Variants in EIF4G1 observed in about 807,000 individuals in gnomAD.
EIF4G1 encodes the protein EIF4-gamma.
In EIF4G1, 4 loss-of-function variants were observed where a neutral mutation model predicts 187.8. The observed-to-expected ratio is 0.02, with a 90% CI of 0.01 to 0.05. The LOEUF (loss-of-function observed/expected upper bound fraction) is 0.05. EIF4G1 is among the 10% of genes least tolerant of loss of function. The pLI, the probability that EIF4G1 is intolerant of heterozygous loss-of-function variation, is 1.00. For synonymous variants in EIF4G1, 844 were observed against 781.4 expected, an observed-to-expected ratio of 1.08 and a Z score of -1.34; for missense variants, 1,647 against 2,081.1, an observed-to-expected ratio of 0.79 and a Z score of 4.06.
In EIF4G1 at chr3:184,329,872, T is replaced by G. The variant is rs544714926; in HGVS notation, c.4161+882T>G. Among the ~76,000 whole-genome samples, 6 of 152,228 alleles carry G rather than the reference T, an allele frequency of 3.9e-5. No individual in the cohort carries two copies. In the East Asian group the frequency reaches 1.2e-3, roughly 29 times the overall value. Reference sequence around the variant, plus strand: ...GTGGTACTTAGTGGAAGTGAGAAGTTGGGGTGAGTGTGTGCAGTTTCAAGG... The same window carrying G: ...GTGGTACTTAGTGGAAGTGAGAAGTGGGGGTGAGTGTGTGCAGTTTCAAGG... On this transcript the variant is annotated intron_variant, in intron 28 of 32. Coordinates refer to ENST00000346169, the MANE Select transcript of EIF4G1 (RefSeq NM_198241.3).
intron 7 of EIF4G1, 197 bp from the exon 8 acceptor site, chr3:184,320,433 C>G: frequency 2.0e-6 from 3 of 1,487,198 alleles, no homozygotes; most frequent in African/African-American, 1.4e-5. Context: ...GATCAAGGGT[C>G]TCTTAAGGGT....
In EIF4G1 at chr3:184,323,883, G is replaced by A; in HGVS notation, c.2378G>A (p.Arg793His). 6.2e-7 allele frequency: 1 copy of A among 1,614,202 alleles called. No individual in the cohort carries two copies. Among genetic ancestry groups the A allele is most frequent in the Non-Finnish European group, 8.5e-7 (1 of 1,180,046 alleles). ...VTQLAIDTEERLKGVIDLIFE... is the reference protein window; with the variant it reads ...VTQLAIDTEEHLKGVIDLIFE... ...CAGCTGGCCATCGACACCGAGGAAC[G>A]CCTCAAAGGGGTCATTGACCTCATT... The change falls in exon 16 of 33, where the codon CGC becomes CAC. Residue 793 changes from arginine to histidine, a missense_variant. Around this residue, in one of 11 missense-constraint regions of EIF4G1, gnomAD observed 36 missense variants for 87.6 expected, o/e 0.41. Coordinates refer to ENST00000346169, the MANE Select transcript of EIF4G1 (RefSeq NM_198241.3). This position sits in a 1 kb window ranked among gnomAD's most constrained non-coding sequence, Gnocchi z 6.9.
intron 6 of EIF4G1, 55 bp downstream of exon 6, chr3:184,317,871 C>T (rs976969725): frequency 5.3e-6 from 7 of 1,329,388 alleles, no homozygotes; most frequent in East Asian, 2.3e-5. Context: ...CATCTAAACT[C>T]ATCTGCTGAT....
chr3:184,332,208 C>T (rs1308423087), intron 32 of EIF4G1, 122 bp downstream of exon 32: 3 of 1,301,574 alleles, frequency 2.3e-6, no homozygotes, highest in Middle Eastern at 2.2e-4. Context: ...AGCAAAATGC[C>T]CTCTGGGTTT....
chr3:184,329,574 G>A (rs1053270146), intron 28 of EIF4G1, among the ~76,000 whole-genome samples: 3 of 152,182 alleles, frequency 2.0e-5, no homozygotes, highest in Non-Finnish European at 4.4e-5. Context: ...GTAGCAGTGA[G>A]CCGAGATTGT....
intron 5 of EIF4G1, 28 bp from the exon 6 acceptor site, chr3:184,317,689 T>C (rs1560207519): frequency 6.3e-7 from 1 of 1,598,246 alleles, no homozygotes; most frequent in Non-Finnish European, 8.6e-7. Flanking sequence ...CCTCAACTCC[T>C]TCTCTCCCTC....
chr3:184,319,426 G>GGGGTGT (rs1553846607), intron 6 of EIF4G1, among the ~76,000 whole-genome samples: 2 of 112,876 alleles, frequency 1.8e-5, no homozygotes, highest in Non-Finnish European at 3.6e-5. Flanking sequence ...GCCTACGAGG[G>GGGGTGT]GTGTGTGTGT....
At chr3:184,328,854 G>A (rs980401655) in intron 27 of EIF4G1, 55 bp from the exon 28 acceptor site, 82 of 1,613,750 alleles carry the variant, frequency 5.1e-5, no homozygotes, top group Non-Finnish European at 6.8e-5. Context: ...GGGAGATGGA[G>A]TAGTGGTGAG....
At chr3:184,316,749 C>T in intron 4 of EIF4G1, 1 of 1,595,318 alleles carries the variant, frequency 6.3e-7, no homozygotes. Context: ...ATCCCTTTCC[C>T]AACCCTGGAC....
At position 184,320,986 on chromosome 3, in the gene EIF4G1, C is replaced by T. The variant is rs186328940; in HGVS notation, c.690C>T (p.Val230=). 1.9e-6 allele frequency: 3 copies of T among 1,613,902 alleles called. No individual in the cohort carries two copies. The highest frequency in any genetic ancestry group is 2.5e-6 in the Non-Finnish European group (3 of 1,179,974). ...AGACGCCCCAGGTTGCTGTCATTGT[C>T]CGGCCAGGTAAGTAAGCCGGTGGGA... is the stretch of plus-strand genomic sequence containing the variant. The part of the protein sequence containing the change: ...NGETPQVAVI[V]RPDDRSQGAI... The change falls in exon 9 of 33, where the codon GTC becomes GTT. Residue 230 remains valine, a synonymous_variant. Transcript: ENST00000346169.
At position 184,322,038 on chromosome 3, in the gene EIF4G1, C is replaced by T. The variant is rs1199082511; in HGVS notation, c.1454C>T (p.Pro485Leu). 1 of 1,614,170 alleles carries T rather than the reference C, an allele frequency of 6.2e-7. No individual in the cohort carries two copies. Among genetic ancestry groups the T allele is most frequent in the Admixed American group, 1.7e-5 (1 of 60,026 alleles). The change falls in exon 10 of 33, where the codon CCC becomes CTC. Residue 485 changes from proline to leucine, a missense_variant. Pro to Leu is a moderately conservative substitution (Grantham distance 98, BLOSUM62 -3). Around this residue, in one of 11 missense-constraint regions of EIF4G1, gnomAD observed 522 missense variants for 485.2 expected, o/e 1.08. Coordinates refer to ENST00000346169, the MANE Select transcript of EIF4G1 (RefSeq NM_198241.3). ...GAGAAAGGAGGAGAGGAACTGCTCC[C>T]CCCAGAGAGTACCCCTATTCCAGCC... ...ESEKGGEELL[P>L]PESTPIPANL... is the part of the protein sequence containing the mutation.
chr3:184,322,519 A>C (rs1295088016), intron 11 of EIF4G1, 25 bp from the exon 12 acceptor site: 1 of 1,614,088 alleles, frequency 6.2e-7, no homozygotes, highest in Admixed American at 1.7e-5. Flanking sequence ...TTCTGCAACC[A>C]AAACTGGATG....
chr3:184,329,989 C>A (rs1725719881), intron 28 of EIF4G1, among the ~76,000 whole-genome samples: 1 of 152,130 alleles, frequency 6.6e-6, no homozygotes, highest in African/African-American at 2.4e-5. Context: ...AGACGTGTAC[C>A]AGGACAAGTT....
intron 16 of EIF4G1, 61 bp downstream of exon 16, chr3:184,324,038 C>A (rs983683108): frequency 5.6e-6 from 9 of 1,609,712 alleles, no homozygotes; most frequent in Middle Eastern, 4.0e-4. Flanking sequence ...TCCCAAGACT[C>A]CTTGAGTCCA....
In EIF4G1 at chr3:184,328,942, A is replaced by T. The variant is rs1381137217; in HGVS notation, c.4113A>T (p.Lys1371Asn). 1.9e-6 allele frequency: 3 copies of T among 1,614,036 alleles called. No individual in the cohort carries two copies. Among genetic ancestry groups the T allele is most frequent in the Non-Finnish European group, 2.5e-6 (3 of 1,180,042 alleles). ...EITKPLRPLG[K>N]AASLLLEILG... is the part of the protein sequence containing the mutation. Reference sequence around the variant, plus strand: ...CAAAGCCTCTGAGACCGTTGGGCAAAGCTGCTTCCCTGTTGCTGGAGATCC... The same window carrying T: ...CAAAGCCTCTGAGACCGTTGGGCAATGCTGCTTCCCTGTTGCTGGAGATCC... The change falls in exon 28 of 33, where the codon AAA (lysine) becomes AAT (asparagine). Residue 1371 changes from lysine (K) to asparagine (N), a missense_variant. Transcript: ENST00000346169.
rs369369462 is a variant in EIF4G1, at chr3:184,330,830, C to T, written c.4162-436C>T. On this transcript the variant is annotated intron_variant, in intron 28 of 32. Coordinates refer to ENST00000346169, the MANE Select transcript of EIF4G1 (RefSeq NM_198241.3). Reference sequence around the variant, plus strand: ...GATCTCAGCTCATTGCAACCCTCGCCTTGGGTTCAAGCGATTCTCCTGCCT... The same window carrying T: ...GATCTCAGCTCATTGCAACCCTCGCTTTGGGTTCAAGCGATTCTCCTGCCT... Among the ~76,000 whole-genome samples the T allele has an allele frequency of 1.9e-4, 29 of 152,176 alleles. No individual in the cohort carries two copies. In the East Asian group the frequency reaches 4.6e-3, roughly 24 times the overall value.
intron 4 of EIF4G1, 57 bp downstream of exon 4, chr3:184,316,275 G>A: frequency 6.3e-7 from 1 of 1,599,194 alleles, no homozygotes; most frequent in Non-Finnish European, 8.5e-7. Flanking sequence ...GGAAAGCTTT[G>A]GCCAGTTTAG....
In EIF4G1 at chr3:184,320,671, A is replaced by G. The variant is rs2108481404; in HGVS notation, c.579A>G (p.Thr193=). Residue 193 remains threonine, a synonymous_variant, in exon 8 of 33, where the codon ACA becomes ACG. Coordinates refer to ENST00000346169, the MANE Select transcript of EIF4G1 (RefSeq NM_198241.3). Reference sequence around the variant, plus strand: ...CAAACCAAGGAGGAAAGGATATCACAGAGGAGATCATGTCTGGGGCCCGCA... The same window carrying G: ...CAAACCAAGGAGGAAAGGATATCACGGAGGAGATCATGTCTGGGGCCCGCA... ...RDPNQGGKDI[T]EEIMSGARTA... The G allele has an allele frequency of 6.2e-7, 1 of 1,614,086 alleles. No individual in the cohort carries two copies.
chr3:184,327,078 C>A, intron 23 of EIF4G1, 95 bp downstream of exon 23: 1 of 1,575,538 alleles, frequency 6.3e-7, no homozygotes, highest in Non-Finnish European at 8.7e-7. Flanking sequence ...CATACCTGTC[C>A]TGGTTGGAGC....
Sources: gnomAD v4.1 joint callset for allele counts (sites outside exome capture counted in the v4.1 genomes callset) on GRCh38, gnomAD v4.1.1 for gene constraint, gnomAD v4.1.1 regional missense constraint, Gnocchi (gnomAD v3.1) non-coding constraint, MANE v1.5 for transcripts, NCBI Gene and HGNC (gene_info 2026-07-23, HGNC 2026-07-21) for gene names.